TOLLIP: variants seen among roughly 807,000 people sequenced by gnomAD.
The protein encoded by TOLLIP is toll interacting protein.
Under a neutral mutation model 33.5 loss-of-function variants are expected in TOLLIP, and 16 were observed. That is an observed-to-expected ratio of 0.48 (90% CI 0.32 to 0.72). TOLLIP has a LOEUF of 0.72. Ranked by LOEUF, TOLLIP falls within the 30% of genes least tolerant of loss-of-function variation. The pLI is 0.03. For synonymous variants in TOLLIP, 176 were observed against 163.7 expected, an observed-to-expected ratio of 1.07 and a Z score of -0.57; for missense variants, 325 against 396.6, an observed-to-expected ratio of 0.82 and a Z score of 1.53.
chr11:1,288,500 A>T, intron 4 of TOLLIP, 124 bp downstream of exon 4: 1 of 1,225,064 alleles, frequency 8.2e-7, no homozygotes, highest in Non-Finnish European at 1.1e-6. Flanking sequence ...TCAGAACGTG[A>T]GCCCTGCTGT....
chr11:1,302,910 G>C (rs796616842), intron 1 of TOLLIP: 1 of 434,208 alleles, frequency 2.3e-6, no homozygotes, highest in Non-Finnish European at 3.1e-6. Context: ...CCCCTTCCGG[G>C]GCCTTCCTCA....
Position 1,305,399 on chromosome 11 carries a change from C to T in TOLLIP, c.33+4067G>A, listed in dbSNP as rs532269566. ...GACACACAGGATGCAGGAAAATCCA[C>T]GGGCTCTTCACAACACTCAGGGGAG... On this transcript the variant is annotated intron_variant, in intron 1 of 5. Transcript: ENST00000317204. Among the ~76,000 whole-genome samples the T allele has an allele frequency of 7.9e-5, 12 of 152,296 alleles. No individual in the cohort carries two copies. The South Asian group carries it at 1.7e-3, about 21-fold the overall frequency.
At chr11:1,309,361 C>T in intron 1 of TOLLIP, 105 bp downstream of exon 1, 1 of 631,244 alleles carries the variant, frequency 1.6e-6, no homozygotes, top group Non-Finnish European at 2.2e-6. Context: ...CCGGGAGAGC[C>T]GCGGAGTCGG....
rs1590235673 is a variant in TOLLIP at position 1,309,392 on chromosome 11, A to T, written c.33+74T>A. 5 of 836,912 alleles carry T rather than the reference A, an allele frequency of 6.0e-6. No individual in the cohort carries two copies. In the East Asian group the frequency reaches 1.9e-4, roughly 32 times the overall value. 51.8% of individuals were successfully genotyped at this position (836,912 alleles called of 1,614,324 possible). ...GTCGGCCCGCCAGCCGCAGCTGAGC[A>T]GTAGCCCTGACCCAAGGCCCCGCCC... On this transcript the variant is annotated intron_variant, in intron 1 of 5. Transcript: ENST00000317204.
At chr11:1,302,429 C>T (rs1208557433) in intron 1 of TOLLIP, among the ~76,000 whole-genome samples, 2 of 152,254 alleles carry the variant, frequency 1.3e-5, no homozygotes, top group Non-Finnish European at 2.9e-5. Flanking sequence ...AAGGACTCAC[C>T]GACACTCACT....
chr11:1,279,059 C>G (rs1863402768), intron 5 of TOLLIP, among the ~76,000 whole-genome samples: 1 of 152,260 alleles, frequency 6.6e-6, no homozygotes, highest in Admixed American at 6.5e-5. Flanking sequence ...TCTCTCCAGC[C>G]TTTACCAGTC....
intron 5 of TOLLIP, among the ~76,000 whole-genome samples, chr11:1,281,217 G>A (rs953905941): frequency 2.0e-5 from 3 of 151,920 alleles, no homozygotes; most frequent in African/African-American, 7.3e-5. Context: ...TGTTCTCTTC[G>A]GGCCATGATC....
At chr11:1,299,935 C>CGGAGGT (rs1286301424) in intron 1 of TOLLIP, among the ~76,000 whole-genome samples, 2 of 152,200 alleles carry the variant, frequency 1.3e-5, no homozygotes, top group Non-Finnish European at 2.9e-5. Flanking sequence ...GAGGCGGAGG[C>CGGAGGT]GGAGGTGCGG....
chr11:1,299,682 G>A (rs1464824620), intron 1 of TOLLIP, among the ~76,000 whole-genome samples: 1 of 152,206 alleles, frequency 6.6e-6, no homozygotes, highest in African/African-American at 2.4e-5. Flanking sequence ...TGTACAAGAT[G>A]CACATACTGA....
At chr11:1,309,385 G>T in intron 1 of TOLLIP, 81 bp downstream of exon 1, 1 of 800,800 alleles carries the variant, frequency 1.2e-6, no homozygotes, top group Non-Finnish European at 1.7e-6. Flanking sequence ...GCCAGCCGCA[G>T]CTGAGCAGTA....
intron 2 of TOLLIP, among the ~76,000 whole-genome samples, chr11:1,294,996 G>A (rs866963052): frequency 1.6e-5 from 2 of 123,362 alleles, no homozygotes; most frequent in African/African-American, 6.5e-5. Flanking sequence ...ACGAAAGCCC[G>A]CGTGGCTCAC....
intron 1 of TOLLIP, among the ~76,000 whole-genome samples, chr11:1,299,762 C>T (rs1340732067): frequency 6.6e-6 from 1 of 152,254 alleles, no homozygotes; most frequent in African/African-American, 2.4e-5. Flanking sequence ...AGTCCCCTGT[C>T]AATGCTCACT....
intron 1 of TOLLIP, among the ~76,000 whole-genome samples, chr11:1,297,329 C>T (rs527341485): frequency 2.0e-5 from 3 of 152,142 alleles, no homozygotes; most frequent in Non-Finnish European, 2.9e-5. Context: ...CAAAGGACCC[C>T]GAGAGGGTCT....
chr11:1,296,224 T>G (rs1004128299), intron 1 of TOLLIP, among the ~76,000 whole-genome samples: 6 of 152,244 alleles, frequency 3.9e-5, no homozygotes, highest in Non-Finnish European at 8.8e-5. Flanking sequence ...AGGTCTAAAG[T>G]GATTTGGAAA....
chr11:1,308,769 C>A (rs1368106659), intron 1 of TOLLIP, among the ~76,000 whole-genome samples: 1 of 152,256 alleles, frequency 6.6e-6, no homozygotes, highest in Non-Finnish European at 1.5e-5. Flanking sequence ...GTCACCACTG[C>A]CCTCACTCTG....
In TOLLIP at chr11:1,286,132, C is replaced by T. The variant is rs200039884; in HGVS notation, c.520-40G>A. On this transcript the variant is annotated intron_variant, in intron 4 of 5. Transcript: ENST00000317204. ...AGATGGTCCCGGGGTCAAGGAGGAA[C>T]ATCCACCCATCAGAACCTCGGGAAT... 8 of 1,488,752 alleles carry T rather than the reference C, an allele frequency of 5.4e-6. No individual in the cohort carries two copies. The East Asian group carries it at 1.4e-4, about 26-fold the overall frequency. 92.2% of individuals were successfully genotyped at this position (1,488,752 alleles called of 1,614,324 possible). A position where few individuals can be genotyped will look rare whatever the true frequency, so the allele number is the denominator to read the frequency against.
In TOLLIP at chr11:1,290,839, T is replaced by C. The variant is rs1010713603; in HGVS notation, c.184-430A>G. ...AGCATGATGACCCGGGAGAGGTGCA[T>C]CCTCGCTCTAGGTGAGAGTGAGGAC... On this transcript the variant is annotated intron_variant, in intron 2 of 5. Coordinates refer to ENST00000317204, the MANE Select transcript of TOLLIP (RefSeq NM_019009.4). This position sits in a 1 kb window ranked among gnomAD's most constrained non-coding sequence, Gnocchi z 4.9. 1.2e-5 allele frequency: 2 copies of C among 171,286 alleles called. No homozygotes were observed. Among genetic ancestry groups the C allele is most frequent in the African/African-American group, 4.7e-5 (2 of 42,128 alleles). 10.6% of individuals were successfully genotyped at this position (171,286 alleles called of 1,614,324 possible).
At chr11:1,282,395 C>A (rs1863530476) in intron 5 of TOLLIP, among the ~76,000 whole-genome samples, 2 of 152,164 alleles carry the variant, frequency 1.3e-5, no homozygotes, top group African/African-American at 2.4e-5. Context: ...GGGTGCAGCA[C>A]ACCAACATGG....
intron 4 of TOLLIP, among the ~76,000 whole-genome samples, chr11:1,286,774 T>G (rs1367517938): frequency 6.6e-6 from 1 of 151,760 alleles, no homozygotes; most frequent in Non-Finnish European, 1.5e-5. Flanking sequence ...GATAAGTCAT[T>G]GCACTGCTGT....
Sources: allele counts gnomAD v4.1 joint callset (sites outside exome capture counted in the v4.1 genomes callset), GRCh38; gene constraint gnomAD v4.1.1; non-coding constraint Gnocchi (gnomAD v3.1); transcripts MANE v1.5; gene names NCBI Gene and HGNC (gene_info 2026-07-23, HGNC 2026-07-21).